DTX2: variants seen among roughly 807,000 people sequenced by gnomAD.
DTX2 encodes probable E3 ubiquitin-protein ligase DTX2.
A neutral mutation model predicts 55.3 loss-of-function variants in DTX2; 29 were observed. That is an observed-to-expected ratio of 0.52 (90% CI 0.39 to 0.71). DTX2 has a LOEUF of 0.71. Ranked by LOEUF, DTX2 falls within the 30% of genes least tolerant of loss-of-function variation. The pLI, the probability that DTX2 is intolerant of heterozygous loss-of-function variation, is 0.00. For synonymous variants in DTX2, 276 were observed against 340.4 expected (o/e 0.81, Z 2.08); for missense variants, 537 against 822.5 (o/e 0.65, Z 4.25).
At chr7:76,468,448 A>ATTTTT (rs1202957368) in intron 2 of DTX2, among the ~76,000 whole-genome samples, 1 of 37,028 alleles carries the variant, frequency 2.7e-5, no homozygotes. Context: ...GCCCACTGCC[A>ATTTTT]TTTTTTTTTT....
Position 76,505,901 on chromosome 7 carries a change from G to C in DTX2, c.*300G>C, listed in dbSNP as rs1236906974. The C allele has an allele frequency of 3.3e-5, 18 of 546,776 alleles. No individual in the cohort carries two copies. Among genetic ancestry groups the C allele is most frequent in the Non-Finnish European group, 3.3e-6 (1 of 303,274 alleles). 33.9% of individuals were successfully genotyped at this position (546,776 alleles called of 1,614,324 possible). On this transcript the variant is annotated 3_prime_UTR_variant, in exon 11 of 11. Transcript: ENST00000430490. This position sits in a 1 kb window ranked among gnomAD's most constrained non-coding sequence, Gnocchi z 4.4. ...CGGTGCTCGGGGCCTGGTGTGGGGC[G>C]AGTAGAGACTTCCCCAGCCTGGACG...
chr7:76,503,639 G>T (rs768094479), intron 9 of DTX2, 52 bp downstream of exon 9: 3 of 1,495,636 alleles, frequency 2.0e-6, no homozygotes, highest in East Asian at 2.3e-5. Flanking sequence ...TTCCCACCCC[G>T]CCCACATCCC....
At chr7:76,488,726 T>C (rs1810141649) in intron 4 of DTX2, among the ~76,000 whole-genome samples, 1 of 80,692 alleles carries the variant, frequency 1.2e-5, no homozygotes. Flanking sequence ...TGAAACCCCG[T>C]CTCTACTAAA....
intron 6 of DTX2, among the ~76,000 whole-genome samples, chr7:76,498,889 G>C (rs780553587): frequency 0.14 from 8,254 of 60,208 alleles, 415 homozygotes; most frequent in Middle Eastern, 0.21. Context: ...GAGGTGTGGG[G>C]TGTATGGAGG....
At chr7:76,471,404 G>A (rs1478940605) in intron 2 of DTX2, among the ~76,000 whole-genome samples, 146 of 150,474 alleles carry the variant, frequency 9.7e-4, no homozygotes, top group Non-Finnish European at 1.7e-3. Flanking sequence ...CTCGTGATCC[G>A]CCCGCCTTGG....
At chr7:76,480,816 G>A (rs779805472) in intron 3 of DTX2, 39 bp downstream of exon 3, 32 of 1,535,844 alleles carry the variant, frequency 2.1e-5, no homozygotes, top group African/African-American at 6.9e-5. Context: ...TCTGGGTGCC[G>A]CACCTGCTTT....
intron 2 of DTX2, among the ~76,000 whole-genome samples, chr7:76,477,753 T>C (rs1808707196): frequency 7.4e-6 from 1 of 135,556 alleles, no homozygotes; most frequent in Non-Finnish European, 1.6e-5. Context: ...TGAGTGGTGA[T>C]TGCAGCCACT....
In DTX2 at chr7:76,480,598, C is replaced by T. The variant is rs754368794; in HGVS notation, c.89C>T (p.Thr30Ile). Residue 30 changes from threonine to isoleucine, a missense_variant, in exon 3 of 11, where the codon ACC (threonine) becomes ATC (isoleucine). By Grantham distance (89) the Thr-to-Ile change is moderately conservative. This residue lies in a region of DTX2 where 301 missense variants were observed against 396.6 expected (regional missense o/e 0.76). Transcript: ENST00000430490. ...AVWEWQDGLG[T>I]WHPYSATVCS... Reference sequence around the variant, plus strand: ...TGGGAATGGCAGGACGGGCTGGGCACCTGGCACCCCTACAGTGCCACCGTC... The same window carrying T: ...TGGGAATGGCAGGACGGGCTGGGCATCTGGCACCCCTACAGTGCCACCGTC... 26 of 1,613,108 alleles carry T rather than the reference C, an allele frequency of 1.6e-5. 1 individual carries two copies. The highest frequency in any genetic ancestry group is 1.9e-4 in the Middle Eastern group (1 of 5,404).
intron 2 of DTX2, among the ~76,000 whole-genome samples, chr7:76,467,211 C>T (rs1384845147): frequency 6.9e-6 from 1 of 145,340 alleles, no homozygotes; most frequent in Non-Finnish European, 1.5e-5. Flanking sequence ...GTTCATCTTT[C>T]GTAGCTATTG....
At chr7:76,502,705 C>T in intron 8 of DTX2, 2 of 528,638 alleles carry the variant, frequency 3.8e-6, no homozygotes, top group Non-Finnish European at 6.7e-6. Flanking sequence ...TCCACCCCTC[C>T]AGCCAGGCCT....
chr7:76,503,943 C>T (rs373077713), intron 9 of DTX2, among the ~76,000 whole-genome samples: 9 of 148,578 alleles, frequency 6.1e-5, no homozygotes, highest in East Asian at 4.1e-4. Context: ...GCAGGGTGTG[C>T]GTCGAGGAAC....
chr7:76,503,680 T>C, intron 9 of DTX2, 93 bp downstream of exon 9: 2 of 1,233,728 alleles, frequency 1.6e-6, no homozygotes, highest in Non-Finnish European at 1.1e-6. Flanking sequence ...AGGCTGAGGA[T>C]GCCCATGTGG....
chr7:76,501,623 A>C (rs1811694049), intron 7 of DTX2, among the ~76,000 whole-genome samples: 1 of 148,850 alleles, frequency 6.7e-6, no homozygotes, highest in Non-Finnish European at 1.5e-5. Flanking sequence ...CTCCCAGCCC[A>C]CCCCCTGCCA....
chr7:76,497,284 GGAGTCT>G (rs1563750306), intron 5 of DTX2, 47 bp from the exon 6 acceptor site: 2 of 1,598,370 alleles, frequency 1.3e-6, no homozygotes, highest in African/African-American at 2.7e-5. Context: ...ACATGCCGAA[GGAGTCT>G]TCTAATGTCT....
intron 3 of DTX2, among the ~76,000 whole-genome samples, chr7:76,481,924 C>G (rs560428912): frequency 6.6e-5 from 10 of 151,304 alleles, no homozygotes; most frequent in Non-Finnish European, 1.3e-4. Context: ...TCTTCAACTC[C>G]TGAGCTCAAG....
chr7:76,501,604 C>T (rs1012984716), intron 7 of DTX2, among the ~76,000 whole-genome samples: 16 of 151,542 alleles, frequency 1.1e-4, no homozygotes, highest in African/African-American at 3.6e-4. Context: ...GATCCTGTCT[C>T]ATCTCCTGCT....
At chr7:76,472,807 A>C (rs1156805493) in intron 2 of DTX2, among the ~76,000 whole-genome samples, 1 of 152,116 alleles carries the variant, frequency 6.6e-6, no homozygotes, top group Non-Finnish European at 1.5e-5. Context: ...ACAGCTGTTA[A>C]CATTTTATTG....
At chr7:76,464,958 G>C (rs1490388999) in intron 2 of DTX2, among the ~76,000 whole-genome samples, 1 of 150,526 alleles carries the variant, frequency 6.6e-6, no homozygotes, top group Non-Finnish European at 1.5e-5. Context: ...TACTTTTTGA[G>C]ACAGGGTCTT....
rs151329883 is a variant in DTX2, at chr7:76,482,929, C to T, written c.690C>T (p.Pro230=). The part of the protein sequence containing the change: ...NLPAYPVPQH[P]PHRTASVFGT... ...CTGCATACCCCGTCCCCCAGCACCC[C>T]CCACACAGGACCGCTTCTGTGTTTG... The change falls in exon 4 of 11, where the codon CCC becomes CCT. Residue 230 remains proline (P), a synonymous_variant. Coordinates refer to ENST00000430490, the MANE Select transcript of DTX2 (RefSeq NM_001102594.3). 5.7e-3 allele frequency: 9,181 copies of T among 1,613,842 alleles called. 45 individuals carry two copies. The highest frequency in any genetic ancestry group is 5.9e-3 in the Non-Finnish European group (6,978 of 1,179,758).
Sources: gnomAD v4.1 joint callset for allele counts (sites outside exome capture counted in the v4.1 genomes callset) on GRCh38, gnomAD v4.1.1 for gene constraint, gnomAD v4.1.1 regional missense constraint, Gnocchi (gnomAD v3.1) non-coding constraint, MANE v1.5 for transcripts, NCBI Gene and HGNC (gene_info 2026-07-23, HGNC 2026-07-21) for gene names.